MINK1: variants seen among roughly 807,000 people sequenced by gnomAD.
MINK1 encodes misshapen-like kinase 1.
A neutral mutation model predicts 178.4 loss-of-function variants in MINK1; 46 were observed. The ratio of observed to expected loss-of-function variants is 0.26; its 90% confidence interval spans 0.20 to 0.33. MINK1 has a LOEUF of 0.33. MINK1 is among the 10% of genes least tolerant of loss of function. The pLI is 1.00. For missense variants in MINK1, 1,366 were observed against 1,814.9 expected, an observed-to-expected ratio of 0.75 and a Z score of 4.49; for synonymous variants, 797 against 709.7, an observed-to-expected ratio of 1.12 and a Z score of -1.96.
chr17:4,839,667 TA>T (rs1266856486), intron 1 of MINK1, among the ~76,000 whole-genome samples: 1 of 152,124 alleles, frequency 6.6e-6, no homozygotes, highest in African/African-American at 2.4e-5. Flanking sequence ...GAAGCTCTTC[TA>T]GGGGGTAATG....
chr17:4,890,142 T>C, intron 13 of MINK1: 1 of 556,798 alleles, frequency 1.8e-6, no homozygotes. Flanking sequence ...TTCCTCCTTC[T>C]CCAACTCGCT....
chr17:4,890,605 TGCAGCA>T lies in MINK1; in HGVS notation c.1443_1448del (p.Gln486_Gln487del), dbSNP rs867928526. On this transcript the variant is annotated inframe_deletion, in exon 14 of 32. Transcript: ENST00000355280. ...CAGGAGCATGCCTACCTCAAGTCCC[TGCAGCA>T]GCAGCAACAGCAGCAGCAGCTTCAG... is the stretch of plus-strand genomic sequence containing the variant. The T allele has an allele frequency of 1.3e-6, 2 of 1,563,970 alleles. No individual in the cohort carries two copies. The highest frequency in any genetic ancestry group is 2.4e-5 in the East Asian group (1 of 41,720).
At chr17:4,840,063 A>G (rs1909981416) in intron 1 of MINK1, among the ~76,000 whole-genome samples, 1 of 151,892 alleles carries the variant, frequency 6.6e-6, no homozygotes, top group Non-Finnish European at 1.5e-5. Context: ...TTTTGAGCAT[A>G]TGTTCTCAGG....
chr17:4,879,067 C>T (rs1469465853), intron 2 of MINK1, among the ~76,000 whole-genome samples: 1 of 151,744 alleles, frequency 6.6e-6, no homozygotes, highest in Non-Finnish European at 1.5e-5. Flanking sequence ...GTGGCCTGAC[C>T]ACTGCTCACA....
chr17:4,881,278 C>T lies in MINK1; in HGVS notation c.306+21C>T, dbSNP rs759317439. The T allele has an allele frequency of 7.7e-5, 118 of 1,535,146 alleles. No individual in the cohort carries two copies. The Admixed American group carries it at 1.1e-3, about 14-fold the overall frequency. Reference sequence around the variant, plus strand: ...TCTGGGTGAGAAACGCCCCCCTGCCCGCCTTCCCTCCCCGCAATCCCTGTC... The same window carrying T: ...TCTGGGTGAGAAACGCCCCCCTGCCTGCCTTCCCTCCCCGCAATCCCTGTC... On this transcript the variant is annotated intron_variant, in intron 4 of 31. Transcript: ENST00000355280.
At chr17:4,861,084 T>C (rs1597439677) in intron 1 of MINK1, among the ~76,000 whole-genome samples, 1 of 152,074 alleles carries the variant, frequency 6.6e-6, no homozygotes, top group Non-Finnish European at 1.5e-5. Flanking sequence ...CTGTCTGGCG[T>C]TGAATCATTA....
chr17:4,837,885 A>G (rs78186771), intron 1 of MINK1, among the ~76,000 whole-genome samples: 15 of 152,138 alleles, frequency 9.9e-5, no homozygotes, highest in Non-Finnish European at 1.6e-4. Flanking sequence ...TTCTTTTTCA[A>G]ATGATTTTGT....
At chr17:4,897,148 G>T (rs1969620131) in intron 31 of MINK1, 56 bp from the exon 32 acceptor site, 1 of 1,479,104 alleles carries the variant, frequency 6.8e-7, no homozygotes, top group Non-Finnish European at 9.4e-7. Context: ...CCCTCTCCCA[G>T]TTGAGACACC....
At chr17:4,876,925 T>G (rs1967231939) in intron 1 of MINK1, among the ~76,000 whole-genome samples, 1 of 151,820 alleles carries the variant, frequency 6.6e-6, no homozygotes, top group Non-Finnish European at 1.5e-5. Context: ...CCGTCTCTAC[T>G]AAAAATAAAA....
At position 4,894,104 on chromosome 17, in the gene MINK1, C is replaced by T. The variant is rs766607259; in HGVS notation, c.2670+11C>T. 1.2e-6 allele frequency: 2 copies of T among 1,600,010 alleles called. No homozygotes were observed. Among genetic ancestry groups the T allele is most frequent in the East Asian group, 4.5e-5 (2 of 44,670 alleles). On this transcript the variant is annotated intron_variant, in intron 22 of 31. Coordinates refer to ENST00000355280, the MANE Select transcript of MINK1 (RefSeq NM_153827.5). The surrounding 1 kb of genome is among the most constrained non-coding windows in gnomAD (Gnocchi z 4.1). ...ATGGTGGTCCAGCGCGTGAGTGAGC[C>T]TCTGCTCCCTCCCCTGTACCTGTGT...
At chr17:4,859,788 CAAAAAAAA>C (rs397857604) in intron 1 of MINK1, among the ~76,000 whole-genome samples, 9,910 of 51,952 alleles carry the variant, frequency 0.19, 685 homozygotes, top group East Asian at 0.56. Flanking sequence ...AACTCCATCT[CAAAAAAAA>C]AAAAAAAAAA....
intron 1 of MINK1, among the ~76,000 whole-genome samples, chr17:4,851,721 C>T (rs1317585397): frequency 6.6e-6 from 1 of 152,030 alleles, no homozygotes; most frequent in Non-Finnish European, 1.5e-5. Flanking sequence ...CACTCTCGGG[C>T]CGTGCGTGGT....
At chr17:4,857,458 GT>G (rs147266965) in intron 1 of MINK1, 978 of 75,724 alleles carry the variant, frequency 0.013, 7 homozygotes, top group African/African-American at 0.04. Flanking sequence ...AAAGATGCTG[GT>G]TTTTTTTTTT....
Position 4,895,817 on chromosome 17 carries a change from G to T in MINK1, c.3349G>T (p.Gly1117Trp). 1 of 1,613,536 alleles carries T rather than the reference G, an allele frequency of 6.2e-7. No homozygotes were observed. The highest frequency in any genetic ancestry group is 8.5e-7 in the Non-Finnish European group (1 of 1,179,754). ...WTTVGDMEGC[G>W]HYRVVKYERI... Reference sequence around the variant, plus strand: ...CACCGTGGGGGACATGGAGGGCTGCGGGCACTACCGTGTTGGTGAGGATGT... The same window carrying T: ...CACCGTGGGGGACATGGAGGGCTGCTGGCACTACCGTGTTGGTGAGGATGT... Residue 1117 changes from glycine to tryptophan, a missense_variant, in exon 27 of 32, where the codon GGG (glycine) becomes TGG (tryptophan). Coordinates refer to ENST00000355280, the MANE Select transcript of MINK1 (RefSeq NM_153827.5). This position sits in a 1 kb window ranked among gnomAD's most constrained non-coding sequence, Gnocchi z 4.3.
Position 4,872,871 on chromosome 17 carries a change from C to T in MINK1, c.58-5446C>T, listed in dbSNP as rs535101086. Among the ~76,000 whole-genome samples the T allele has an allele frequency of 2.6e-5, 4 of 152,300 alleles. No individual in the cohort carries two copies. The South Asian group carries it at 6.2e-4, about 24-fold the overall frequency. On this transcript the variant is annotated intron_variant, in intron 1 of 31. Coordinates refer to ENST00000355280, the MANE Select transcript of MINK1 (RefSeq NM_153827.5). Reference sequence around the variant, plus strand: ...CTATTTTGAAAACCCTATTGTCTGACTTTGCTGCCAGCTCTAGCTGTCATC... The same window carrying T: ...CTATTTTGAAAACCCTATTGTCTGATTTTGCTGCCAGCTCTAGCTGTCATC...
At chr17:4,891,901 T>C (rs1357218064) in intron 16 of MINK1, among the ~76,000 whole-genome samples, 185 bp downstream of exon 16, 1 of 152,150 alleles carries the variant, frequency 6.6e-6, no homozygotes, top group Non-Finnish European at 1.5e-5. Context: ...CATCGATCCC[T>C]GTGGGGAGCG....
chr17:4,891,333 G>GGAAC, intron 15 of MINK1, 123 bp from the exon 16 acceptor site: 4 of 1,362,718 alleles, frequency 2.9e-6, no homozygotes, highest in Non-Finnish European at 3.9e-6. Flanking sequence ...TCAGGCTCAA[G>GGAAC]GAACCCCTTG....
chr17:4,890,335 G>A (rs777143679), intron 13 of MINK1, 182 bp from the exon 14 acceptor site: 212 of 1,428,748 alleles, frequency 1.5e-4, no homozygotes, highest in Non-Finnish European at 1.9e-4. Flanking sequence ...CGTCCTCTGG[G>A]AAGATGCTTT....
At chr17:4,856,566 C>T (rs951372677) in intron 1 of MINK1, among the ~76,000 whole-genome samples, 2 of 152,084 alleles carry the variant, frequency 1.3e-5, no homozygotes, top group African/African-American at 4.8e-5. Flanking sequence ...ACCTCCATGA[C>T]GTGACAGATA....
Sources: gnomAD v4.1 joint callset for allele counts (sites outside exome capture counted in the v4.1 genomes callset) on GRCh38, gnomAD v4.1.1 for gene constraint, Gnocchi (gnomAD v3.1) non-coding constraint, MANE v1.5 for transcripts, NCBI Gene and HGNC (gene_info 2026-07-23, HGNC 2026-07-21) for gene names.